DNAH3: variants seen among roughly 807,000 people sequenced by gnomAD.
DNAH3 encodes the protein axonemal beta dynein heavy chain 3.
DNAH3 carries 332 observed loss-of-function variants against 432.5 expected under a neutral mutation model. The ratio of observed to expected loss-of-function variants is 0.77; its 90% CI spans 0.70 to 0.84. DNAH3 has a LOEUF of 0.84. Among genes scored for constraint, DNAH3 ranks in the 40% least tolerant of loss-of-function variants. The pLI is 0.00. For synonymous variants in DNAH3, 1,956 were observed against 1,900.2 expected, an observed-to-expected ratio of 1.03 and a Z score of -0.76; for missense variants, 4,861 against 5,114.0, an observed-to-expected ratio of 0.95 and a Z score of 1.51.
At chr16:21,135,252 A>G (rs944834151) in intron 6 of DNAH3, among the ~76,000 whole-genome samples, 1 of 152,192 alleles carries the variant, frequency 6.6e-6, no homozygotes, top group Admixed American at 6.5e-5. Context: ...TTCTCACACC[A>G]AAATAGATGC....
intron 24 of DNAH3, among the ~76,000 whole-genome samples, chr16:21,066,215 G>C (rs894244235): frequency 1.3e-5 from 2 of 150,988 alleles, no homozygotes; most frequent in Admixed American, 1.3e-4. Flanking sequence ...TCCATATAAA[G>C]AAACGCTAAA....
At chr16:21,081,726 A>G in exon 20 of DNAH3, 1 of 1,613,100 alleles carries the variant, frequency 6.2e-7, no homozygotes, top group Non-Finnish European at 8.5e-7. Context: ...AATCTCACTG[A>G]TCTGCAAAGA....
intron 33 of DNAH3, 43 bp from the exon 34 acceptor site, chr16:21,038,023 A>G (rs2089258660): frequency 6.4e-7 from 1 of 1,561,014 alleles, no homozygotes; most frequent in African/African-American, 1.4e-5. Context: ...AGAGAGGACT[A>G]CGTCCTGCCC....
chr16:21,057,681 G>A (rs1597263461), intron 27 of DNAH3, among the ~76,000 whole-genome samples: 2 of 152,158 alleles, frequency 1.3e-5, no homozygotes, highest in African/African-American at 2.4e-5. Flanking sequence ...AAGGCAGGAC[G>A]GGAGGTGGGT....
At chr16:20,975,304 C>T (rs779186366) in exon 51 of DNAH3, 1 of 1,614,134 alleles carries the variant, frequency 6.2e-7, no homozygotes, top group South Asian at 1.1e-5. Flanking sequence ...AGTTTCTTTC[C>T]ATCAGCTTCT....
chr16:20,989,210 C>T (rs1453006379), intron 44 of DNAH3, among the ~76,000 whole-genome samples: 1 of 152,162 alleles, frequency 6.6e-6, no homozygotes, highest in Non-Finnish European at 1.5e-5. Flanking sequence ...TGACAGGGTG[C>T]TGATTGGTGC....
At chr16:20,954,430 T>C (rs1210674090) in intron 55 of DNAH3, among the ~76,000 whole-genome samples, 2 of 151,308 alleles carry the variant, frequency 1.3e-5, no homozygotes, top group African/African-American at 4.9e-5. Context: ...GCTGGGATTA[T>C]AGGCGGGCAC....
At chr16:21,106,607 C>A in exon 15 of DNAH3, 2 of 1,610,516 alleles carry the variant, frequency 1.2e-6, no homozygotes, top group South Asian at 2.2e-5. Flanking sequence ...ATGAGGGATA[C>A]CAGCTCCTTA....
rs1043795845 is a variant in DNAH3, at chr16:21,024,516, G to C, written c.5646+80C>G. 33 of 993,026 alleles carry C rather than the reference G, an allele frequency of 3.3e-5. No individual in the cohort carries two copies. In the Admixed American group the frequency reaches 4.8e-4, roughly 15 times the overall value. 61.5% of individuals were successfully genotyped at this position (993,026 alleles called of 1,614,324 possible). ...CTTGTTGCCTCCAGGGACTATGAAGGTGAAGATGTACCTAGAAGACCCTCG... is the reference window on the plus strand; with the variant it reads ...CTTGTTGCCTCCAGGGACTATGAAGCTGAAGATGTACCTAGAAGACCCTCG... On this transcript the variant is annotated intron_variant, in intron 39 of 61. Coordinates refer to ENST00000261383, the Ensembl canonical transcript of DNAH3.
exon 2 of DNAH3, chr16:21,146,082 T>C (rs142706309): frequency 5.6e-6 from 9 of 1,610,366 alleles, no homozygotes; most frequent in African/African-American, 4.0e-5. Context: ...GAGTCACTTT[T>C]GGCGATCTGT....
intron 40 of DNAH3, among the ~76,000 whole-genome samples, chr16:21,020,350 A>ATATATATATATATATATATGTC (rs1567647528): frequency 0.011 from 123 of 11,610 alleles, 2 homozygotes; most frequent in African/African-American, 0.079. Flanking sequence ...TAGTGTGTGT[A>ATATATATATATATATATATGTC]TATATATATA....
At chr16:21,005,188 T>C (rs2087225724) in intron 41 of DNAH3, among the ~76,000 whole-genome samples, 1 of 151,706 alleles carries the variant, frequency 6.6e-6, no homozygotes, top group South Asian at 2.1e-4. Context: ...TTTCTTTCTC[T>C]TTCTCTCTCC....
exon 39 of DNAH3, chr16:21,024,632 G>C: frequency 6.2e-7 from 1 of 1,613,080 alleles, no homozygotes; most frequent in South Asian, 1.1e-5. Context: ...TGGAGGGCAG[G>C]GTGTCCATGT....
chr16:21,140,657 T>C (rs752226820), exon 5 of DNAH3: 1 of 1,614,184 alleles, frequency 6.2e-7, no homozygotes, highest in Non-Finnish European at 8.5e-7. Context: ...CAAAGATGTC[T>C]TTACCTCCTT....
At chr16:21,083,443 A>G (rs1385513147) in intron 19 of DNAH3, among the ~76,000 whole-genome samples, 3 of 152,212 alleles carry the variant, frequency 2.0e-5, no homozygotes, top group Non-Finnish European at 4.4e-5. Context: ...AATAACCAAA[A>G]TAACACTAAT....
At chr16:21,085,578 T>C (rs371671024) in intron 19 of DNAH3, among the ~76,000 whole-genome samples, 2 of 149,440 alleles carry the variant, frequency 1.3e-5, no homozygotes, top group East Asian at 4.0e-4. Flanking sequence ...AGACAGCCTA[T>C]CTCTTGTCTA....
intron 35 of DNAH3, among the ~76,000 whole-genome samples, chr16:21,034,908 G>T (rs1455459703): frequency 1.3e-5 from 2 of 152,192 alleles, no homozygotes; most frequent in Non-Finnish European, 2.9e-5. Flanking sequence ...ATTAAGTAGG[G>T]TTGACATTCA....
intron 47 of DNAH3, among the ~76,000 whole-genome samples, chr16:20,986,107 C>T (rs930546044): frequency 6.6e-6 from 1 of 151,950 alleles, no homozygotes; most frequent in Non-Finnish European, 1.5e-5. Context: ...CTGCCCACCT[C>T]GTCCTCCCAA....
rs1157825215 is a variant in DNAH3 at position 21,000,494 on chromosome 16, T to C, written c.6151A>G (p.Met2051Val). The change falls in exon 43 of 62, where the codon ATG (methionine) becomes GTG (valine). Residue 2051 changes from methionine (M) to valine (V), a missense_variant. Met to Val is a conservative substitution (Grantham distance 21). Transcript: ENST00000261383. ...AAGAAGGACTGCCGGGCTGTCTCCA[T>C]TGTGGGGATGATGAGTTCTGAGACC... 11 of 1,610,092 alleles carry C rather than the reference T, an allele frequency of 6.8e-6. No individual in the cohort carries two copies. Among genetic ancestry groups the C allele is most frequent in the East Asian group, 6.7e-5 (3 of 44,862 alleles).
Sources: allele counts gnomAD v4.1 joint callset (sites outside exome capture counted in the v4.1 genomes callset), GRCh38; gene constraint gnomAD v4.1.1; transcripts MANE v1.5; gene names NCBI Gene and HGNC (gene_info 2026-07-23, HGNC 2026-07-21).